Variants in TEAD1 observed in about 807,000 individuals in gnomAD.
TEAD1 encodes transcriptional enhancer factor TEF-1.
Under a neutral mutation model 54.9 loss-of-function variants are expected in TEAD1, and 9 were observed. That is an observed-to-expected ratio of 0.16 (90% CI 0.10 to 0.29). The LOEUF (loss-of-function observed/expected upper bound fraction) is 0.29, where lower values mean the gene tolerates loss of function less well. Ranked by LOEUF, TEAD1 falls within the 10% of genes least tolerant of loss-of-function variation. The probability of loss-of-function intolerance (pLI) is 1.00; values close to 1 mark genes in which losing one functional copy is unlikely to be tolerated. For missense variants in TEAD1, 387 were observed against 535.9 expected, an observed-to-expected ratio of 0.72 and a Z score of 2.74; for synonymous variants, 200 against 187.8, an observed-to-expected ratio of 1.07 and a Z score of -0.53.
At chr11:12,800,084 G>C (rs1198470653) in intron 3 of TEAD1, among the ~76,000 whole-genome samples, 1 of 152,168 alleles carries the variant, frequency 6.6e-6, no homozygotes, top group Non-Finnish European at 1.5e-5. Flanking sequence ...AGTTTTCTCA[G>C]GTTTAGCTGC....
chr11:12,783,137 C>T (rs930046969), intron 3 of TEAD1, among the ~76,000 whole-genome samples: 8 of 130,734 alleles, frequency 6.1e-5, no homozygotes, highest in South Asian at 2.6e-4. Context: ...TGTGTGTGCG[C>T]GCACTTTCTT....
intron 12 of TEAD1, 25 bp from the exon 13 acceptor site, chr11:12,937,084 A>T: frequency 6.7e-7 from 1 of 1,482,640 alleles, no homozygotes; most frequent in Non-Finnish European, 9.4e-7. Context: ...TTTTGGTATT[A>T]TATACTTTTT....
intron 3 of TEAD1, among the ~76,000 whole-genome samples, chr11:12,827,858 T>C (rs1052594637): frequency 2.6e-4 from 40 of 152,358 alleles, no homozygotes; most frequent in South Asian, 6.2e-4. Context: ...TAGGGACTTC[T>C]TGTGTTGTGC....
intron 5 of TEAD1, among the ~76,000 whole-genome samples, chr11:12,874,594 C>T (rs1239691348): frequency 6.6e-6 from 1 of 152,180 alleles, no homozygotes; most frequent in African/African-American, 2.4e-5. Flanking sequence ...CATGACACAG[C>T]CTGCTGGACC....
chr11:12,862,925 G>A lies in TEAD1; in HGVS notation c.267+611G>A, dbSNP rs185336374. 3.2e-3 allele frequency among the ~76,000 whole-genome samples: 492 copies of A among 151,852 alleles called. 1 individual carries two copies. Among genetic ancestry groups the A allele is most frequent in the Non-Finnish European group, 6.0e-3 (405 of 67,954 alleles). On this transcript the variant is annotated intron_variant, in intron 4 of 12. Coordinates refer to ENST00000527636, the MANE Select transcript of TEAD1 (RefSeq NM_021961.6). Reference sequence around the variant, plus strand: ...CTTTGGCAGAGCTCTGCCTTTCCTCGTTCTTTCAGATGTAAAACAGCCCAA... The same window carrying A: ...CTTTGGCAGAGCTCTGCCTTTCCTCATTCTTTCAGATGTAAAACAGCCCAA...
chr11:12,880,197 G>C (rs1009202194), intron 6 of TEAD1, among the ~76,000 whole-genome samples: 1 of 152,134 alleles, frequency 6.6e-6, no homozygotes, highest in Admixed American at 6.5e-5. Context: ...CTTTTTCCTG[G>C]CCCTTGGTCT....
At chr11:12,745,003 T>C (rs4434986) in intron 2 of TEAD1, among the ~76,000 whole-genome samples, 152,100 of 152,238 alleles carry the variant, frequency 1, 75,981 homozygotes, top group Middle Eastern at 1. Context: ...GAAGGTTACC[T>C]GTGGCTCTCC....
In TEAD1 at chr11:12,674,489, GCCGCCGCGGCCCCGCCGC is replaced by G. The variant is rs924460908; in HGVS notation, c.-543_-526del. On this transcript the variant is annotated 5_prime_UTR_variant, in exon 1 of 13. Transcript: ENST00000527636. ...TGAGCCGAGCCGAGCCTCTGCTGCC[GCCGCCGCGGCCCCGCCGC>G]CCGCCGCGGGCGCCCACCAAGCACT... The G allele has an allele frequency of 4.6e-5, 7 of 151,146 alleles. No individual in the cohort carries two copies. The highest frequency in any genetic ancestry group is 3.9e-4 in the East Asian group (2 of 5,064). The allele number at this position is 151,146 out of a possible 1,614,324, so 9.4% of individuals were successfully genotyped here.
chr11:12,770,564 G>A (rs538990713), intron 3 of TEAD1, among the ~76,000 whole-genome samples: 28 of 152,130 alleles, frequency 1.8e-4, no homozygotes, highest in Non-Finnish European at 3.5e-4. Context: ...TAGGATGTGC[G>A]ATCTTGATTA....
At chr11:12,695,346 C>T (rs1943557558) in intron 2 of TEAD1, among the ~76,000 whole-genome samples, 2 of 152,196 alleles carry the variant, frequency 1.3e-5, no homozygotes, top group Admixed American at 1.3e-4. Context: ...ATATTACTCT[C>T]ATTAACATGT....
chr11:12,697,567 T>A (rs35718926), intron 2 of TEAD1, among the ~76,000 whole-genome samples: 297 of 152,358 alleles, frequency 1.9e-3, no homozygotes, highest in Non-Finnish European at 3.6e-3. Flanking sequence ...TTTGTTGGCA[T>A]CTTCTACAAA....
chr11:12,833,231 A>G (rs913202489), intron 3 of TEAD1, among the ~76,000 whole-genome samples: 1 of 152,236 alleles, frequency 6.6e-6, no homozygotes, highest in African/African-American at 2.4e-5. Context: ...TGTAGTAAGG[A>G]TGACAAAATG....
chr11:12,855,873 G>A (rs559402616), intron 3 of TEAD1, among the ~76,000 whole-genome samples: 9 of 151,568 alleles, frequency 5.9e-5, no homozygotes, highest in South Asian at 2.1e-4. Flanking sequence ...ACTTGAGCCC[G>A]GGAGATCAAG....
At chr11:12,927,428 A>T (rs975188068) in intron 11 of TEAD1, among the ~76,000 whole-genome samples, 4 of 152,168 alleles carry the variant, frequency 2.6e-5, no homozygotes, top group African/African-American at 7.2e-5. Flanking sequence ...TCCCAGTACC[A>T]TGTGGATTTG....
At chr11:12,890,787 T>C (rs552305939) in intron 9 of TEAD1, among the ~76,000 whole-genome samples, 32 of 152,294 alleles carry the variant, frequency 2.1e-4, no homozygotes, top group African/African-American at 7.5e-4. Flanking sequence ...ACTTTTGAGA[T>C]GGAGTTTTGC....
chr11:12,914,288 G>A (rs1267448026), intron 10 of TEAD1, among the ~76,000 whole-genome samples: 1 of 152,138 alleles, frequency 6.6e-6, no homozygotes, highest in African/African-American at 2.4e-5. Context: ...ACAATAAAGG[G>A]GCCCTTGGTG....
chr11:12,765,541 T>G (rs942311306), intron 3 of TEAD1, among the ~76,000 whole-genome samples: 1 of 152,022 alleles, frequency 6.6e-6, no homozygotes, highest in Non-Finnish European at 1.5e-5. Context: ...ACTTCCTCTG[T>G]CAGGAGCCGT....
chr11:12,830,767 C>CGCACATGCACAT (rs370162235), intron 3 of TEAD1, among the ~76,000 whole-genome samples: 2 of 149,560 alleles, frequency 1.3e-5, no homozygotes, highest in African/African-American at 5.0e-5. Context: ...TGCACGCACA[C>CGCACATGCACAT]GCACATGCAC....
At chr11:12,916,240 G>C (rs999990235) in intron 10 of TEAD1, among the ~76,000 whole-genome samples, 2 of 151,936 alleles carry the variant, frequency 1.3e-5, no homozygotes, top group African/African-American at 4.8e-5. Context: ...TACTCAATAC[G>C]TAAGACCCGT....
Sources: allele counts gnomAD v4.1 joint callset (sites outside exome capture counted in the v4.1 genomes callset), GRCh38; gene constraint gnomAD v4.1.1; transcripts MANE v1.5; gene names NCBI Gene and HGNC (gene_info 2026-07-23, HGNC 2026-07-21).